Variants in ARHGEF10L observed in about 807,000 individuals in gnomAD.
The protein encoded by ARHGEF10L is rho guanine nucleotide exchange factor 10-like protein.
Under a neutral mutation model 141.2 loss-of-function variants are expected in ARHGEF10L, and 69 were observed. That is an observed-to-expected ratio of 0.49 (90% confidence interval 0.40 to 0.60). The LOEUF is 0.60. Ranked by LOEUF, ARHGEF10L falls within the 20% of genes least tolerant of loss-of-function variation. The pLI is 0.00. For synonymous variants in ARHGEF10L, 711 were observed against 718.5 expected (o/e 0.99, Z 0.17); for missense variants, 1,482 against 1,734.3 (o/e 0.85, Z 2.58).
At position 17,648,799 on chromosome 1, in the gene ARHGEF10L, T is replaced by C. The variant is rs968384287; in HGVS notation, c.2394+124T>C. On this transcript the variant is annotated intron_variant, in intron 22 of 28. Transcript: ENST00000361221. The stretch of plus-strand genomic sequence containing the variant: ...AGGCTCAGGTTCCAGCTGTGGCTTC[T>C]AAATTCTTACTGACAGATTTGGTCA... 6.6e-6 allele frequency: 9 copies of C among 1,356,858 alleles called. No individual in the cohort carries two copies. The African/African-American group carries it at 1.2e-4, about 18-fold the overall frequency. The allele number at this position is 1,356,858 out of a possible 1,614,324, so 84.1% of individuals were successfully genotyped here.
intron 26 of ARHGEF10L, among the ~76,000 whole-genome samples, chr1:17,668,787 A>G (rs1298273069): frequency 6.6e-6 from 1 of 151,756 alleles, no homozygotes; most frequent in African/African-American, 2.4e-5. Flanking sequence ...CACAGTAACA[A>G]GGTGATCGCT....
chr1:17,609,978 C>T (rs963237757), intron 7 of ARHGEF10L, among the ~76,000 whole-genome samples: 2 of 152,218 alleles, frequency 1.3e-5, no homozygotes, highest in African/African-American at 2.4e-5. Context: ...ATGGGGCTCT[C>T]GAGTCCTGGC....
intron 26 of ARHGEF10L, among the ~76,000 whole-genome samples, 163 bp downstream of exon 26, chr1:17,664,758 C>G (rs2062862216): frequency 6.6e-6 from 1 of 152,222 alleles, no homozygotes; most frequent in African/African-American, 2.4e-5. Context: ...CCCTATTGGG[C>G]CTGACCTCTT....
chr1:17,624,040 C>A (rs920853922), intron 12 of ARHGEF10L, among the ~76,000 whole-genome samples: 7 of 152,188 alleles, frequency 4.6e-5, no homozygotes, highest in African/African-American at 1.7e-4. Flanking sequence ...AACGTGAATG[C>A]AGTAGAAGGG....
rs1004415786 is a variant in ARHGEF10L at position 17,561,623 on chromosome 1, C to T, written c.-43-18930C>T. Reference sequence around the variant, plus strand: ...TGAGGCCCACCCGATCCCGATGCTGCACTCCTAGCTCCTTGGCGTAGGTCC... The same window carrying T: ...TGAGGCCCACCCGATCCCGATGCTGTACTCCTAGCTCCTTGGCGTAGGTCC... On this transcript the variant is annotated intron_variant, in intron 1 of 28. Transcript: ENST00000361221. Among the ~76,000 whole-genome samples, 2 of 152,246 alleles carry T rather than the reference C, an allele frequency of 1.3e-5. 1 individual carries two copies. The highest frequency in any genetic ancestry group is 1.3e-4 in the Admixed American group (2 of 15,292).
chr1:17,573,343 A>C lies in ARHGEF10L; in HGVS notation c.-43-7210A>C, dbSNP rs2078085814. ...AGGCTCTGATGGGCGAGTTGATGGC[A>C]CACAGTATGTGTCATGCCAGCTGCT... On this transcript the variant is annotated intron_variant, in intron 1 of 28. Transcript: ENST00000361221. The surrounding 1 kb of genome is among the most constrained non-coding windows in gnomAD (Gnocchi z 4.8). 6.6e-6 allele frequency among the ~76,000 whole-genome samples: 1 copy of C among 152,098 alleles called. No homozygotes were observed. The highest frequency in any genetic ancestry group is 1.5e-5 in the Non-Finnish European group (1 of 68,016).
At chr1:17,636,718 A>C (rs1320597677) in intron 18 of ARHGEF10L, among the ~76,000 whole-genome samples, 1 of 152,170 alleles carries the variant, frequency 6.6e-6, no homozygotes, top group Non-Finnish European at 1.5e-5. Context: ...AGTCCATGGA[A>C]GCCTTGATAT....
intron 27 of ARHGEF10L, among the ~76,000 whole-genome samples, chr1:17,688,949 A>G (rs1438295225): frequency 6.6e-6 from 1 of 152,118 alleles, no homozygotes; most frequent in African/African-American, 2.4e-5. Context: ...CGGCAGTCAC[A>G]ATGGTGTAAT....
At chr1:17,645,953 C>T (rs761892944) in intron 21 of ARHGEF10L, among the ~76,000 whole-genome samples, 2 of 152,200 alleles carry the variant, frequency 1.3e-5, no homozygotes, top group Non-Finnish European at 2.9e-5. Flanking sequence ...TGCCCTTTCC[C>T]TGAGGGTCTC....
chr1:17,602,946 A>C (rs2080830117), intron 5 of ARHGEF10L, among the ~76,000 whole-genome samples: 1 of 151,500 alleles, frequency 6.6e-6, no homozygotes, highest in South Asian at 2.1e-4. Context: ...GTCTAGAGAG[A>C]GGTGGGCAGG....
chr1:17,537,989 T>C (rs1335380606), upstream of ARHGEF10L, among the ~76,000 whole-genome samples: 1 of 151,768 alleles, frequency 6.6e-6, no homozygotes, highest in African/African-American at 2.4e-5. Context: ...GGCAGGAGGA[T>C]TGCTTGAGCC....
At chr1:17,554,929 T>G (rs1027131247) in intron 1 of ARHGEF10L, among the ~76,000 whole-genome samples, 4 of 152,192 alleles carry the variant, frequency 2.6e-5, no homozygotes, top group African/African-American at 9.6e-5. Flanking sequence ...GACCAGGCAC[T>G]ATGCTGTTTG....
intron 26 of ARHGEF10L, among the ~76,000 whole-genome samples, chr1:17,677,257 T>C (rs147141472): frequency 6.6e-6 from 1 of 152,162 alleles, no homozygotes; most frequent in Non-Finnish European, 1.5e-5. Context: ...AGATGTTAAA[T>C]GAATCCAGAG....
At chr1:17,630,341 C>T (rs1016608327) in intron 15 of ARHGEF10L, among the ~76,000 whole-genome samples, 4 of 152,254 alleles carry the variant, frequency 2.6e-5, no homozygotes, top group Non-Finnish European at 4.4e-5. Context: ...AAGGGGGCAG[C>T]GCTGACTGCC....
chr1:17,532,846 C>T, the ARHGEF10L span, among the ~76,000 whole-genome samples: 150 of 152,196 alleles, frequency 9.9e-4, 1 homozygote, highest in South Asian at 1.5e-3. Context: ...CTGCCTGCCT[C>T]GGCCTCCCAA....
At chr1:17,664,000 C>T (rs550004444) in intron 25 of ARHGEF10L, among the ~76,000 whole-genome samples, 2 of 152,302 alleles carry the variant, frequency 1.3e-5, no homozygotes, top group East Asian at 3.9e-4. Flanking sequence ...TTGTGCTTGG[C>T]GTGTCATGTG....
At chr1:17,516,181 T>C in the ARHGEF10L span, among the ~76,000 whole-genome samples, 2 of 152,220 alleles carry the variant, frequency 1.3e-5, no homozygotes, top group Non-Finnish European at 2.9e-5. Flanking sequence ...AGGAAACTCA[T>C]TATGCTACCA....
chr1:17,645,256 C>T (rs957391714), intron 21 of ARHGEF10L, among the ~76,000 whole-genome samples: 1 of 152,142 alleles, frequency 6.6e-6, no homozygotes, highest in Admixed American at 6.5e-5. Flanking sequence ...TTGGTCTCCG[C>T]CACTCTGGTT....
the ARHGEF10L span, among the ~76,000 whole-genome samples, chr1:17,513,927 C>T: frequency 5.0e-3 from 758 of 152,042 alleles, 5 homozygotes; most frequent in African/African-American, 0.017. Context: ...CAGGTTCAAG[C>T]GATTCTCCGG....
Sources: gnomAD v4.1 joint callset for allele counts (sites outside exome capture counted in the v4.1 genomes callset) on GRCh38, gnomAD v4.1.1 for gene constraint, Gnocchi (gnomAD v3.1) non-coding constraint, MANE v1.5 for transcripts, NCBI Gene and HGNC (gene_info 2026-07-23, HGNC 2026-07-21) for gene names.